The following LDHC variants were observed in gnomAD, a reference collection of about 807,000 sequenced individuals.
LDHC encodes the protein lactate dehydrogenase C.
LDHC carries 20 observed loss-of-function variants against 30.2 expected under a neutral mutation model. That is an observed-to-expected ratio of 0.66 (90% CI 0.47 to 0.96). The LOEUF (loss-of-function observed/expected upper bound fraction) is 0.96, where lower values mean the gene tolerates loss of function less well. LDHC is among the 40% of genes least tolerant of loss of function. The pLI, the probability that LDHC is intolerant of heterozygous loss-of-function variation, is 0.00. For synonymous variants in LDHC, 139 were observed against 132.7 expected (o/e 1.05, Z -0.32); for missense variants, 362 against 394.9 (o/e 0.92, Z 0.71).
At chr11:18,416,039 C>T (rs1053372909) in intron 3 of LDHC, among the ~76,000 whole-genome samples, 1 of 151,924 alleles carries the variant, frequency 6.6e-6, no homozygotes, top group Admixed American at 6.6e-5. Context: ...AAGAACACTT[C>T]GATATAATTG....
chr11:18,430,541 T>G (rs1848247725), intron 4 of LDHC, among the ~76,000 whole-genome samples: 2 of 152,144 alleles, frequency 1.3e-5, no homozygotes, highest in Admixed American at 6.5e-5. Context: ...TTCATATTTT[T>G]GGTAGAAGTG....
At chr11:18,445,560 A>G (rs1322573320) in intron 6 of LDHC, among the ~76,000 whole-genome samples, 1 of 152,198 alleles carries the variant, frequency 6.6e-6, no homozygotes, top group Non-Finnish European at 1.5e-5. Flanking sequence ...ATTAGTTTCT[A>G]TGTTGCATAT....
intron 7 of LDHC, 130 bp from the exon 8 acceptor site, chr11:18,450,833 A>C: frequency 1.6e-6 from 1 of 619,610 alleles, no homozygotes; most frequent in Non-Finnish European, 2.7e-6. Context: ...GCTGACCATC[A>C]CTCTGCCACC....
At chr11:18,442,447 T>G (rs1848482681) in intron 6 of LDHC, among the ~76,000 whole-genome samples, 1 of 152,144 alleles carries the variant, frequency 6.6e-6, no homozygotes, top group Admixed American at 6.6e-5. Flanking sequence ...AAACATTTCT[T>G]CAATATTTTA....
chr11:18,432,986 T>C (rs1417922568), intron 4 of LDHC, among the ~76,000 whole-genome samples: 1 of 152,242 alleles, frequency 6.6e-6, no homozygotes, highest in African/African-American at 2.4e-5. Flanking sequence ...ACTGTTGTAT[T>C]CATCATGCTT....
chr11:18,412,506 G>A, intron 1 of LDHC, 98 bp downstream of exon 1: 1 of 499,480 alleles, frequency 2.0e-6, no homozygotes. Context: ...TGGGGGCAGG[G>A]AGAAATCCAA....
Position 18,442,162 on chromosome 11 carries a change from G to A in LDHC, c.710+3517G>A, listed in dbSNP as rs536199329. On this transcript the variant is annotated intron_variant, in intron 6 of 7. Transcript: ENST00000541669. ...CTCAGGGTCTGCATACTTGATCCCA[G>A]TACTGCTAGTCCTGATACAATGCAC... is the stretch of plus-strand genomic sequence containing the variant. Among the ~76,000 whole-genome samples, 3 of 152,108 alleles carry A rather than the reference G, an allele frequency of 2.0e-5. No homozygotes were observed. In the South Asian group the frequency reaches 6.2e-4, roughly 32 times the overall value.
chr11:18,434,457 G>A (rs1440466895), intron 4 of LDHC, among the ~76,000 whole-genome samples: 1 of 152,092 alleles, frequency 6.6e-6, no homozygotes. Context: ...GAATGCAGGT[G>A]TGTGCCACCA....
At chr11:18,444,772 T>C (rs866545505) in intron 6 of LDHC, among the ~76,000 whole-genome samples, 14 of 151,618 alleles carry the variant, frequency 9.2e-5, no homozygotes, top group Non-Finnish European at 1.5e-4. Context: ...CTGTATCCTT[T>C]CTAAAAGTTA....
intron 7 of LDHC, among the ~76,000 whole-genome samples, chr11:18,447,380 C>T (rs1368725025): frequency 6.6e-6 from 1 of 152,106 alleles, no homozygotes; most frequent in Non-Finnish European, 1.5e-5. Context: ...CGTAATCTGC[C>T]TGCCTCAGCC....
intron 7 of LDHC, among the ~76,000 whole-genome samples, chr11:18,448,720 T>A (rs1257677983): frequency 6.6e-6 from 1 of 151,770 alleles, no homozygotes; most frequent in Non-Finnish European, 1.5e-5. Flanking sequence ...GTGCAGAGTT[T>A]ATTTCACATT....
intron 7 of LDHC, among the ~76,000 whole-genome samples, chr11:18,449,065 AGGAGGTAAAG>A (rs145026339): frequency 0.011 from 1,636 of 152,174 alleles, 28 homozygotes; most frequent in African/African-American, 0.037. Flanking sequence ...GAGAGATGAC[AGGAGGTAAAG>A]GGAAACAAAT....
At chr11:18,412,503 A>G (rs560468086) in intron 1 of LDHC, 95 bp downstream of exon 1, 5 of 493,122 alleles carry the variant, frequency 1.0e-5, no homozygotes, top group South Asian at 8.6e-5. Context: ...GGCTGGGGGC[A>G]GGGAGAAATC....
chr11:18,437,524 G>A (rs571331922), intron 5 of LDHC, among the ~76,000 whole-genome samples: 1 of 152,158 alleles, frequency 6.6e-6, no homozygotes, highest in Admixed American at 6.5e-5. Flanking sequence ...AGGCTGAGGT[G>A]GACGGATCAC....
intron 4 of LDHC, among the ~76,000 whole-genome samples, chr11:18,432,069 T>C (rs1848275806): frequency 1.3e-5 from 2 of 152,214 alleles, no homozygotes; most frequent in African/African-American, 4.8e-5. Flanking sequence ...TTGTCTTTTG[T>C]GGTCTTTCAG....
chr11:18,417,736 G>A (rs370718575), intron 3 of LDHC, among the ~76,000 whole-genome samples: 1 of 152,060 alleles, frequency 6.6e-6, no homozygotes, highest in African/African-American at 2.4e-5. Context: ...TCTTCCCAGG[G>A]ATTAACTTAC....
At chr11:18,440,648 G>T (rs1304342010) in intron 6 of LDHC, among the ~76,000 whole-genome samples, 2 of 152,150 alleles carry the variant, frequency 1.3e-5, no homozygotes, top group Non-Finnish European at 2.9e-5. Flanking sequence ...AGCAGTTAAG[G>T]CTGGGTGCAG....
At chr11:18,448,641 T>C (rs1334445883) in intron 7 of LDHC, among the ~76,000 whole-genome samples, 1 of 152,220 alleles carries the variant, frequency 6.6e-6, no homozygotes, top group Non-Finnish European at 1.5e-5. Context: ...GTCATTTGTA[T>C]ATTCTTATTT....
chr11:18,436,485 T>TG (rs1334652329), intron 5 of LDHC, among the ~76,000 whole-genome samples: 6 of 145,148 alleles, frequency 4.1e-5, no homozygotes, highest in African/African-American at 1.5e-4. Context: ...TACAAAGTTT[T>TG]TTTTTTTTTT....
Sources: allele counts gnomAD v4.1 joint callset (sites outside exome capture counted in the v4.1 genomes callset), GRCh38; gene constraint gnomAD v4.1.1; transcripts MANE v1.5; gene names NCBI Gene and HGNC (gene_info 2026-07-23, HGNC 2026-07-21).